MARK2: variants seen among roughly 807,000 people sequenced by gnomAD.
The protein encoded by MARK2 is microtubule affinity regulating kinase 2, also known as serine/threonine-protein kinase MARK2.
A neutral mutation model predicts 89.8 loss-of-function variants in MARK2; 16 were observed. The ratio of observed to expected loss-of-function variants is 0.18; its 90% CI spans 0.12 to 0.27. The LOEUF (loss-of-function observed/expected upper bound fraction) is 0.27. Ranked by LOEUF, MARK2 falls within the 10% of genes least tolerant of loss-of-function variation. The pLI is 1.00. For missense variants in MARK2, 621 were observed against 1,049.9 expected (o/e 0.59, Z 5.65); for synonymous variants, 382 against 399.5 (o/e 0.96, Z 0.52).
At chr11:63,901,149 C>A in intron 11 of MARK2, 80 bp downstream of exon 11, 1 of 910,972 alleles carries the variant, frequency 1.1e-6, no homozygotes, top group Non-Finnish European at 1.8e-6. Flanking sequence ...CTGTTGAGGG[C>A]AGAAGCTCAT....
At chr11:63,862,686 C>G (rs1466987173) in intron 1 of MARK2, among the ~76,000 whole-genome samples, 1 of 152,178 alleles carries the variant, frequency 6.6e-6, no homozygotes, top group Non-Finnish European at 1.5e-5. Flanking sequence ...TTCCCATCTT[C>G]CGGAATTTCA....
In MARK2 at chr11:63,909,847, C is replaced by CG. The variant is rs1237606028; in HGVS notation, c.*615dup. 6.6e-6 allele frequency: 1 copy of CG among 152,010 alleles called. No homozygotes were observed. The highest frequency in any genetic ancestry group is 1.5e-5 in the Non-Finnish European group (1 of 68,084). 9.4% of individuals were successfully genotyped at this position (152,010 alleles called of 1,614,324 possible). A position where few individuals can be genotyped will look rare whatever the true frequency, so the allele number is the denominator to read the frequency against. ...GAGGCCTGGGCGGTGGGGCAGGGGG[C>CG]GGGGGTGCTGCGCAGCCCTGCAGTG... On this transcript the variant is annotated 3_prime_UTR_variant, in exon 19 of 19. Coordinates refer to ENST00000402010, the MANE Select transcript of MARK2 (RefSeq NM_001039469.3).
At chr11:63,882,735 C>T (rs749118261) in intron 1 of MARK2, 3 of 152,162 alleles carry the variant, frequency 2.0e-5, no homozygotes, top group Non-Finnish European at 4.4e-5. Context: ...GAATGACACC[C>T]TTCACTACTA....
intron 1 of MARK2, among the ~76,000 whole-genome samples, chr11:63,872,503 C>A (rs1385242264): frequency 1.3e-5 from 2 of 152,174 alleles, no homozygotes; most frequent in African/African-American, 2.4e-5. Flanking sequence ...CATAGGCTGT[C>A]GTCTCCTGCC....
Position 63,902,099 on chromosome 11 carries a change from T to C in MARK2, c.1102-99T>C. 7.5e-7 allele frequency: 1 copy of C among 1,332,580 alleles called. No individual in the cohort carries two copies. Among genetic ancestry groups the C allele is most frequent in the Non-Finnish European group, 1.0e-6 (1 of 956,536 alleles). 82.5% of individuals were successfully genotyped at this position (1,332,580 alleles called of 1,614,324 possible). A position where few individuals can be genotyped will look rare whatever the true frequency, so the allele number is the denominator to read the frequency against. On this transcript the variant is annotated intron_variant, in intron 11 of 18. Transcript: ENST00000402010. The surrounding 1 kb of genome is among the most constrained non-coding windows in gnomAD (Gnocchi z 4.2). ...GATGTCCGGTATGATCCTGGGGTGT[T>C]TGAGTGTTGGGAGAGGGCGGTATGT... is the stretch of plus-strand genomic sequence containing the variant.
intron 1 of MARK2, among the ~76,000 whole-genome samples, chr11:63,850,879 G>C (rs2016541576): frequency 6.6e-6 from 1 of 151,942 alleles, no homozygotes; most frequent in Non-Finnish European, 1.5e-5. Flanking sequence ...GCCCAGGCTG[G>C]TCTTGAATAT....
At chr11:63,894,331 C>T (rs1940170996) in intron 1 of MARK2, among the ~76,000 whole-genome samples, 2 of 152,210 alleles carry the variant, frequency 1.3e-5, no homozygotes, top group African/African-American at 2.4e-5. Flanking sequence ...TCGTCTCCTA[C>T]GCGGGAGACT....
intron 17 of MARK2, among the ~76,000 whole-genome samples, chr11:63,906,939 C>T (rs1941390082): frequency 6.6e-6 from 1 of 151,952 alleles, no homozygotes; most frequent in Non-Finnish European, 1.5e-5. Flanking sequence ...CTGGGACATT[C>T]TAGGGCAACG....
intron 1 of MARK2, among the ~76,000 whole-genome samples, chr11:63,877,549 A>T (rs928034133): frequency 6.6e-6 from 1 of 151,802 alleles, no homozygotes; most frequent in South Asian, 2.1e-4. Flanking sequence ...AAATACAAAA[A>T]TTAGTTGGGC....
In MARK2 at chr11:63,882,674, A is replaced by T. The variant is rs1002404359; in HGVS notation, c.55-12485A>T. On this transcript the variant is annotated intron_variant, in intron 1 of 18. Transcript: ENST00000402010. The stretch of plus-strand genomic sequence containing the variant: ...TCTTTATTGTTCCATTTTTTTGTAT[A>T]TGTGCATGTACAGAGTAGTGGAGCT... The T allele has an allele frequency of 7.2e-5, 11 of 152,102 alleles. No homozygotes were observed. The East Asian group carries it at 1.5e-3, about 21-fold the overall frequency. The allele number at this position is 152,102 out of a possible 1,614,324, so 9.4% of individuals were successfully genotyped here.
At chr11:63,889,395 G>A (rs1343304324) in intron 1 of MARK2, among the ~76,000 whole-genome samples, 1 of 152,240 alleles carries the variant, frequency 6.6e-6, no homozygotes, top group East Asian at 1.9e-4. Flanking sequence ...TCAGCCCTCG[G>A]GAAGCCAAAG....
chr11:63,895,692 A>G lies in MARK2; in HGVS notation c.288+59A>G. The G allele has an allele frequency of 3.2e-6, 4 of 1,232,894 alleles. 1 individual carries two copies. The highest frequency in any genetic ancestry group is 4.5e-6 in the Non-Finnish European group (4 of 883,386). The allele number at this position is 1,232,894 out of a possible 1,614,324, so 76.4% of individuals were successfully genotyped here. A position where few individuals can be genotyped will look rare whatever the true frequency, so the allele number is the denominator to read the frequency against. The stretch of plus-strand genomic sequence containing the variant: ...TTTTTTTTTTTTTTTTTTTTGAGTC[A>G]GAGCCTCACTCTTGTCGCCCAGGCT... On this transcript the variant is annotated intron_variant, in intron 3 of 18. Coordinates refer to ENST00000402010, the MANE Select transcript of MARK2 (RefSeq NM_001039469.3).
Position 63,839,408 on chromosome 11 carries a change from T to TACA in MARK2, c.-99_-98insACA. On this transcript the variant is annotated 5_prime_UTR_variant, in exon 1 of 19. Transcript: ENST00000402010. ...CCCCGGCCGGGGCCCATGCGGCGGG[T>TACA]GCTCCTGCTGTGAGAAGCCCCGCCC... The TACA allele has an allele frequency of 1.5e-6, 1 of 671,932 alleles. No individual in the cohort carries two copies. The highest frequency in any genetic ancestry group is 2.5e-6 in the Non-Finnish European group (1 of 394,740). 41.6% of individuals were successfully genotyped at this position (671,932 alleles called of 1,614,324 possible). A position where few individuals can be genotyped will look rare whatever the true frequency, so the allele number is the denominator to read the frequency against.
Position 63,902,945 on chromosome 11 carries a change from C to A in MARK2, c.1417-116C>A. ...AATGCAGAATCCTTTCCTTAACCTA[C>A]CACTGTCTGCTTCAGGTGGAAGGGA... is the stretch of plus-strand genomic sequence containing the variant. On this transcript the variant is annotated intron_variant, in intron 13 of 18. Transcript: ENST00000402010. This position sits in a 1 kb window ranked among gnomAD's most constrained non-coding sequence, Gnocchi z 4.2. The A allele has an allele frequency of 9.2e-7, 1 of 1,088,180 alleles. No individual in the cohort carries two copies. Among genetic ancestry groups the A allele is most frequent in the Non-Finnish European group, 1.4e-6 (1 of 715,624 alleles). The allele number at this position is 1,088,180 out of a possible 1,614,324, so 67.4% of individuals were successfully genotyped here.
At chr11:63,841,503 C>T (rs561392790) in intron 1 of MARK2, among the ~76,000 whole-genome samples, 9 of 152,320 alleles carry the variant, frequency 5.9e-5, no homozygotes, top group Middle Eastern at 3.4e-3. Context: ...CCTTGCCTAC[C>T]GGCTGTTTCT....
chr11:63,885,396 G>A (rs376339543), intron 1 of MARK2, among the ~76,000 whole-genome samples: 5 of 151,726 alleles, frequency 3.3e-5, no homozygotes, highest in Non-Finnish European at 7.4e-5. Context: ...AAAATTAGCC[G>A]GGCGTATTGC....
intron 1 of MARK2, among the ~76,000 whole-genome samples, chr11:63,863,584 C>T (rs528631089): frequency 1.3e-5 from 2 of 151,326 alleles, no homozygotes; most frequent in Admixed American, 1.3e-4. Flanking sequence ...TGTGTCTCAG[C>T]CTGCTGATTA....
intron 1 of MARK2, among the ~76,000 whole-genome samples, chr11:63,873,706 C>T (rs1342956509): frequency 1.3e-5 from 2 of 152,114 alleles, no homozygotes; most frequent in Non-Finnish European, 2.9e-5. Context: ...AGTGCAGTGG[C>T]GCGATCTCGG....
Position 63,896,535 on chromosome 11 carries a change from G to A in MARK2, c.288+902G>A, listed in dbSNP as rs74639616. ...GTTGAGTTAGGAGAAGGCATGATTC[G>A]TGCTAACAGAGTCAGATAGTGATAC... On this transcript the variant is annotated intron_variant, in intron 3 of 18. Transcript: ENST00000402010. Among the ~76,000 whole-genome samples the A allele has an allele frequency of 2.9e-3, 436 of 152,314 alleles. 2 individuals are homozygous for A. Among genetic ancestry groups the A allele is most frequent in the African/African-American group, 0.01 (425 of 41,564 alleles).
Sources: allele counts gnomAD v4.1 joint callset (sites outside exome capture counted in the v4.1 genomes callset), GRCh38; gene constraint gnomAD v4.1.1; non-coding constraint Gnocchi (gnomAD v3.1); transcripts MANE v1.5; gene names NCBI Gene and HGNC (gene_info 2026-07-23, HGNC 2026-07-21).